Variants in GRIK1 observed in about 807,000 individuals in gnomAD.
GRIK1 encodes the protein glutamate receptor ionotropic, kainate 1.
Under a neutral mutation model 105.7 loss-of-function variants are expected in GRIK1, and 69 were observed. That is an observed-to-expected ratio of 0.65 (90% confidence interval 0.54 to 0.80). The LOEUF (loss-of-function observed/expected upper bound fraction) is 0.80. Ranked by LOEUF, GRIK1 falls within the 30% of genes least tolerant of loss-of-function variation. GRIK1 has a pLI of 0.00. For synonymous variants in GRIK1, 438 were observed against 431.3 expected (o/e 1.02, Z -0.19); for missense variants, 1,109 against 1,167.3 (o/e 0.95, Z 0.73).
intron 1 of GRIK1, among the ~76,000 whole-genome samples, chr21:29,727,114 T>TG (rs371759203): frequency 2.6e-5 from 4 of 152,016 alleles, no homozygotes; most frequent in Middle Eastern, 3.4e-3. Flanking sequence ...TCGGTAGAGA[T>TG]GGGGTCTCAT....
intron 1 of GRIK1, among the ~76,000 whole-genome samples, chr21:29,802,396 GTCTC>G (rs893149686): frequency 2.6e-5 from 4 of 151,842 alleles, no homozygotes; most frequent in African/African-American, 9.7e-5. Context: ...CCCTCTTTCA[GTCTC>G]TCTCTCTTTC....
At chr21:29,563,274 G>A (rs2090528910) in intron 14 of GRIK1, among the ~76,000 whole-genome samples, 1 of 152,170 alleles carries the variant, frequency 6.6e-6, no homozygotes, top group Non-Finnish European at 1.5e-5. Flanking sequence ...ATGCCCAGGT[G>A]TTCCTGGGGG....
chr21:29,903,550 A>G (rs1171534425), intron 1 of GRIK1, among the ~76,000 whole-genome samples: 1 of 152,232 alleles, frequency 6.6e-6, no homozygotes, highest in African/African-American at 2.4e-5. Flanking sequence ...ACCACTGGTC[A>G]TTAGAGAAAT....
intron 1 of GRIK1, among the ~76,000 whole-genome samples, chr21:29,776,715 C>T (rs189593473): frequency 1.3e-5 from 2 of 152,252 alleles, no homozygotes; most frequent in East Asian, 1.9e-4. Flanking sequence ...TTAGTGATGA[C>T]CTAAACAAGC....
chr21:29,638,446 AT>A (rs2062443012), intron 7 of GRIK1, among the ~76,000 whole-genome samples: 1 of 152,172 alleles, frequency 6.6e-6, no homozygotes, highest in Non-Finnish European at 1.5e-5. Context: ...ACGTGAGGAT[AT>A]GAATTCGAGA....
intron 1 of GRIK1, among the ~76,000 whole-genome samples, chr21:29,926,633 A>G (rs1738022783): frequency 6.6e-6 from 1 of 151,742 alleles, no homozygotes; most frequent in South Asian, 2.1e-4. Flanking sequence ...TATCTTATAT[A>G]GTTTTTTGTA....
rs998624338 is a variant in GRIK1 at position 29,903,852 on chromosome 21, T to C, written c.118+35531A>G. Among the ~76,000 whole-genome samples, 6 of 152,286 alleles carry C rather than the reference T, an allele frequency of 3.9e-5. No individual in the cohort carries two copies. The East Asian group carries it at 5.8e-4, about 15-fold the overall frequency. On this transcript the variant is annotated intron_variant, in intron 1 of 17. Transcript: ENST00000327783. The stretch of plus-strand genomic sequence containing the variant: ...ATATTTATTGCAACACTATTTACAA[T>C]AGCAAAGACTTGGAACCAACCCAAA...
chr21:29,781,163 T>C (rs1157205273), intron 1 of GRIK1, among the ~76,000 whole-genome samples: 1 of 152,182 alleles, frequency 6.6e-6, no homozygotes, highest in Non-Finnish European at 1.5e-5. Context: ...CAAACCCTTT[T>C]CACAGATATA....
chr21:29,537,942 A>C (rs544551835), intron 16 of GRIK1, 58 bp from the exon 17 acceptor site: 2 of 811,304 alleles, frequency 2.5e-6, no homozygotes, highest in Non-Finnish European at 2.0e-6. Context: ...TCCAAAAAAC[A>C]GAGATTCTGG....
intron 1 of GRIK1, among the ~76,000 whole-genome samples, chr21:29,762,420 T>C (rs1450416386): frequency 1.3e-5 from 2 of 152,262 alleles, no homozygotes; most frequent in Admixed American, 6.5e-5. Flanking sequence ...TGTCTCATTC[T>C]GCAAATTGTG....
chr21:29,627,903 AGG>A (rs1277145321), intron 7 of GRIK1, among the ~76,000 whole-genome samples: 1 of 152,222 alleles, frequency 6.6e-6, no homozygotes, highest in Non-Finnish European at 1.5e-5. Context: ...AGAACAGAGA[AGG>A]CATTTTATGG....
chr21:29,926,230 C>G (rs1255371008), intron 1 of GRIK1, among the ~76,000 whole-genome samples: 3 of 152,084 alleles, frequency 2.0e-5, no homozygotes, highest in Non-Finnish European at 4.4e-5. Flanking sequence ...AATAATTCCT[C>G]TGGCCTCACC....
intron 1 of GRIK1, among the ~76,000 whole-genome samples, chr21:29,695,854 T>C (rs1162742561): frequency 1.3e-5 from 2 of 152,178 alleles, no homozygotes; most frequent in Non-Finnish European, 2.9e-5. Flanking sequence ...AACTTGTCTA[T>C]GCTAGGTTGA....
chr21:29,860,859 T>C (rs1048074755), intron 1 of GRIK1, among the ~76,000 whole-genome samples: 3 of 152,100 alleles, frequency 2.0e-5, no homozygotes, highest in African/African-American at 4.8e-5. Flanking sequence ...CCAGATTGAG[T>C]ATGATATAAA....
At chr21:29,717,145 A>T (rs997142298) in intron 1 of GRIK1, among the ~76,000 whole-genome samples, 1 of 152,226 alleles carries the variant, frequency 6.6e-6, no homozygotes, top group Non-Finnish European at 1.5e-5. Flanking sequence ...CTTCACCTAG[A>T]TTTCAGAGGA....
intron 4 of GRIK1, 28 bp from the exon 5 acceptor site, chr21:29,654,891 T>A (rs2062819617): frequency 7.4e-7 from 1 of 1,355,920 alleles, no homozygotes; most frequent in Non-Finnish European, 1.1e-6. Flanking sequence ...GGGGAAAGAA[T>A]CAGGAACAGA....
At chr21:29,808,066 A>C (rs1780344411) in intron 1 of GRIK1, among the ~76,000 whole-genome samples, 1 of 152,182 alleles carries the variant, frequency 6.6e-6, no homozygotes, top group African/African-American at 2.4e-5. Context: ...CTGGATTTGA[A>C]GATTTCCTAC....
chr21:29,570,723 A>T (rs949185963), intron 14 of GRIK1, among the ~76,000 whole-genome samples: 1 of 152,092 alleles, frequency 6.6e-6, no homozygotes, highest in Non-Finnish European at 1.5e-5. Context: ...AGACCCTTTG[A>T]CCAAATAGGC....
chr21:29,585,447 C>T (rs751112300), intron 12 of GRIK1, among the ~76,000 whole-genome samples: 3 of 152,064 alleles, frequency 2.0e-5, no homozygotes, highest in South Asian at 2.1e-4. Flanking sequence ...ATGCTGCTGG[C>T]GTTTCTTCTC....
Sources: allele counts gnomAD v4.1 joint callset (sites outside exome capture counted in the v4.1 genomes callset), GRCh38; gene constraint gnomAD v4.1.1; transcripts MANE v1.5; gene names NCBI Gene and HGNC (gene_info 2026-07-23, HGNC 2026-07-21).